Variants in ADAMTS17 observed in about 807,000 individuals in gnomAD.
ADAMTS17 encodes the protein ADAM metallopeptidase with thrombospondin type 1 motif 17, also known as A disintegrin and metalloproteinase with thrombospondin motifs 17.
ADAMTS17 carries 113 observed loss-of-function variants against 141.5 expected under a neutral mutation model. That is an observed-to-expected ratio of 0.80 (90% CI 0.69 to 0.93). The LOEUF is 0.93. Ranked by LOEUF, ADAMTS17 falls within the 40% of genes least tolerant of loss-of-function variation. The probability of loss-of-function intolerance (pLI) is 0.00; values close to 1 mark genes in which losing one functional copy is unlikely to be tolerated. For synonymous variants in ADAMTS17, 768 were observed against 630.6 expected (o/e 1.22, Z -3.27); for missense variants, 1,659 against 1,517.9 (o/e 1.09, Z -1.54).
intron 7 of ADAMTS17, among the ~76,000 whole-genome samples, chr15:100,232,233 T>C (rs1484155765): frequency 1.3e-5 from 2 of 152,240 alleles, no homozygotes; most frequent in Non-Finnish European, 2.9e-5. Flanking sequence ...AGGCTAACCC[T>C]GGCCTAGCAG....
At chr15:100,174,726 C>T (rs570005459) in intron 8 of ADAMTS17, among the ~76,000 whole-genome samples, 3 of 152,276 alleles carry the variant, frequency 2.0e-5, no homozygotes, top group African/African-American at 7.2e-5. Flanking sequence ...TGTCCTCAAA[C>T]CCTCTCTGGA....
intron 3 of ADAMTS17, among the ~76,000 whole-genome samples, chr15:100,325,661 C>T (rs2045877879): frequency 6.6e-6 from 1 of 152,190 alleles, no homozygotes; most frequent in Non-Finnish European, 1.5e-5. Context: ...CACCTCTTCG[C>T]TCTCTCTCGT....
intron 4 of ADAMTS17, among the ~76,000 whole-genome samples, chr15:100,263,216 T>G (rs748995761): frequency 3.9e-5 from 6 of 152,126 alleles, no homozygotes; most frequent in Non-Finnish European, 8.8e-5. Context: ...CCAGCCTGTG[T>G]CATTGCTAAC....
rs996656630 is a variant in ADAMTS17, at chr15:100,102,832, T to C, written c.2016+6157A>G. Reference sequence around the variant, plus strand: ...TTTTACTTGACAGCCCGTCAAGCTCTGAGTGTGGGATCAGACACCATGAGC... The same window carrying C: ...TTTTACTTGACAGCCCGTCAAGCTCCGAGTGTGGGATCAGACACCATGAGC... On this transcript the variant is annotated intron_variant, in intron 14 of 21. Transcript: ENST00000268070. 5.9e-5 allele frequency among the ~76,000 whole-genome samples: 9 copies of C among 152,300 alleles called. No individual in the cohort carries two copies. The South Asian group carries it at 8.3e-4, about 14-fold the overall frequency.
intron 18 of ADAMTS17, among the ~76,000 whole-genome samples, chr15:99,999,761 C>G (rs2060882296): frequency 6.6e-6 from 1 of 152,128 alleles, no homozygotes; most frequent in Non-Finnish European, 1.5e-5. Flanking sequence ...AGAGGAGGCT[C>G]CTACGGCAGT....
intron 15 of ADAMTS17, among the ~76,000 whole-genome samples, chr15:100,071,085 C>G (rs1461154215): frequency 6.7e-6 from 1 of 150,304 alleles, no homozygotes; most frequent in Non-Finnish European, 1.5e-5. Context: ...CACAGAAATA[C>G]AAACTGCCAT....
chr15:100,056,884 C>T (rs1390449935), intron 15 of ADAMTS17, among the ~76,000 whole-genome samples: 1 of 152,102 alleles, frequency 6.6e-6, no homozygotes, highest in East Asian at 1.9e-4. Flanking sequence ...AAAAGATGAA[C>T]ACAACACAAT....
At chr15:100,085,622 C>T (rs929817823) in intron 15 of ADAMTS17, among the ~76,000 whole-genome samples, 4 of 151,938 alleles carry the variant, frequency 2.6e-5, no homozygotes, top group Non-Finnish European at 4.4e-5. Context: ...AAAGGCAAGC[C>T]CATCATCAGA....
intron 12 of ADAMTS17, among the ~76,000 whole-genome samples, chr15:100,124,861 G>T (rs1287600700): frequency 1.3e-5 from 2 of 152,128 alleles, no homozygotes; most frequent in Non-Finnish European, 2.9e-5. Flanking sequence ...GAGTCCTCAG[G>T]GCCTTGATAG....
At chr15:100,016,531 T>C (rs1424873753) in intron 18 of ADAMTS17, among the ~76,000 whole-genome samples, 2 of 152,200 alleles carry the variant, frequency 1.3e-5, no homozygotes, top group Non-Finnish European at 2.9e-5. Flanking sequence ...AGGCTGTTGT[T>C]CAGATTCTTT....
intron 15 of ADAMTS17, among the ~76,000 whole-genome samples, chr15:100,076,088 G>C (rs2034354922): frequency 6.6e-6 from 1 of 151,814 alleles, no homozygotes; most frequent in Non-Finnish European, 1.5e-5. Context: ...TGTTGCCTAG[G>C]CTGGAGCACA....
chr15:100,092,597 G>A (rs2035535545), intron 15 of ADAMTS17, among the ~76,000 whole-genome samples: 1 of 151,758 alleles, frequency 6.6e-6, no homozygotes, highest in Admixed American at 6.6e-5. Context: ...AGCCCCAACA[G>A]TGAATTTCCG....
chr15:100,285,621 G>T (rs895706164), intron 3 of ADAMTS17, among the ~76,000 whole-genome samples: 2 of 152,334 alleles, frequency 1.3e-5, no homozygotes, highest in Admixed American at 1.3e-4. Context: ...CTGGGGAAGA[G>T]TTGAGTTGAA....
chr15:100,193,775 C>T (rs1486808761), intron 8 of ADAMTS17, among the ~76,000 whole-genome samples: 1 of 152,196 alleles, frequency 6.6e-6, no homozygotes, highest in Non-Finnish European at 1.5e-5. Context: ...CTCCCCACTA[C>T]AGGAGAGGTC....
chr15:100,107,264 A>G (rs1051526421), intron 14 of ADAMTS17, among the ~76,000 whole-genome samples: 2 of 152,300 alleles, frequency 1.3e-5, no homozygotes, highest in Non-Finnish European at 2.9e-5. Flanking sequence ...CTGAGCAAGC[A>G]AAGAGCATAA....
intron 7 of ADAMTS17, among the ~76,000 whole-genome samples, chr15:100,207,890 C>G (rs953945304): frequency 4.6e-5 from 7 of 152,180 alleles, no homozygotes; most frequent in Non-Finnish European, 1.0e-4. Flanking sequence ...TTGCAGGAGA[C>G]TCCCTGGAAA....
intron 3 of ADAMTS17, among the ~76,000 whole-genome samples, chr15:100,289,780 A>G (rs117044531): frequency 0.017 from 2,529 of 152,314 alleles, 34 homozygotes; most frequent in East Asian, 0.073. Context: ...AATCATCTCA[A>G]TAGATGCAGA....
intron 8 of ADAMTS17, among the ~76,000 whole-genome samples, chr15:100,180,341 G>A (rs1299875377): frequency 1.3e-5 from 2 of 152,090 alleles, no homozygotes; most frequent in African/African-American, 2.4e-5. Flanking sequence ...GTATGAATTT[G>A]TTTCTGGGTT....
Position 100,341,246 on chromosome 15 carries a change from C to T in ADAMTS17, c.243G>A (p.Leu81=). 6.5e-6 allele frequency: 9 copies of T among 1,377,458 alleles called. No individual in the cohort carries two copies. The highest frequency in any genetic ancestry group is 2.7e-4 in the Middle Eastern group (1 of 3,744). The allele number at this position is 1,377,458 out of a possible 1,614,324, so 85.3% of individuals were successfully genotyped here. ...APRARPGERA[L]LLHLPAFGRD... ...GCCCGAAGGCCGGCAGGTGCAGCAGCAGGGCGCGCTCTCCGGGCCGGGCGC... is the reference window on the plus strand; with the variant it reads ...GCCCGAAGGCCGGCAGGTGCAGCAGTAGGGCGCGCTCTCCGGGCCGGGCGC... The change falls in exon 2 of 22, where the codon CTG becomes CTA. Residue 81 remains leucine, a synonymous_variant. Coordinates refer to ENST00000268070, the MANE Select transcript of ADAMTS17 (RefSeq NM_139057.4).
Sources: gnomAD v4.1 joint callset for allele counts (sites outside exome capture counted in the v4.1 genomes callset) on GRCh38, gnomAD v4.1.1 for gene constraint, MANE v1.5 for transcripts, NCBI Gene and HGNC (gene_info 2026-07-23, HGNC 2026-07-21) for gene names.